FBXO15: variants seen among roughly 807,000 people sequenced by gnomAD.
FBXO15 encodes F-box only protein 15.
In FBXO15, 30 loss-of-function variants were observed where a neutral mutation model predicts 49.5. The ratio of observed to expected loss-of-function variants is 0.61; its 90% CI spans 0.45 to 0.82. The LOEUF is 0.82. Ranked by LOEUF, FBXO15 falls within the 40% of genes least tolerant of loss-of-function variation. The pLI, the probability that FBXO15 is intolerant of heterozygous loss-of-function variation, is 0.00. For synonymous variants in FBXO15, 250 were observed against 232.7 expected (o/e 1.07, Z -0.68); for missense variants, 591 against 631.5 (o/e 0.94, Z 0.69).
chr18:74,130,768 G>T, intron 3 of FBXO15, 110 bp from the exon 4 acceptor site: 1 of 1,211,158 alleles, frequency 8.3e-7, no homozygotes, highest in Non-Finnish European at 1.1e-6. Flanking sequence ...CCATGAATAA[G>T]CCAAGCTGAA....
rs182315796 is a variant in FBXO15, at chr18:74,130,437, A to C, written c.554T>G (p.Val185Gly). Reference protein sequence around the residue: ...KPVNPYTGLPVKTKEALRIFG... With the variant: ...KPVNPYTGLPGKTKEALRIFG... The stretch of plus-strand genomic sequence containing the variant: ...GTACCTGAGGGCCTCTTTGGTCTTA[A>C]CTGGAAGGCCTGTGTAAGGGTTGAC... Residue 185 changes from valine to glycine, a missense_variant, in exon 4 of 10, where the codon GTT (valine) becomes GGT (glycine). Coordinates refer to ENST00000419743, the MANE Select transcript of FBXO15 (RefSeq NM_001142958.2). The C allele has an allele frequency of 6.2e-7, 1 of 1,614,196 alleles. No individual in the cohort carries two copies. Among genetic ancestry groups the C allele is most frequent in the Non-Finnish European group, 8.5e-7 (1 of 1,180,026 alleles).
intron 8 of FBXO15, among the ~76,000 whole-genome samples, chr18:74,119,826 A>G (rs1914395544): frequency 6.6e-6 from 1 of 152,174 alleles, no homozygotes; most frequent in African/African-American, 2.4e-5. Context: ...GGGGACACAC[A>G]GGGCTCTGTA....
intron 8 of FBXO15, among the ~76,000 whole-genome samples, chr18:74,105,607 T>TG (rs929512530): frequency 7.9e-6 from 1 of 126,054 alleles, no homozygotes. Flanking sequence ...ACCCAGCTTA[T>TG]GGTTTTTTTT....
chr18:74,121,305 A>T (rs1214172413), intron 8 of FBXO15, among the ~76,000 whole-genome samples: 1 of 152,232 alleles, frequency 6.6e-6, no homozygotes. Flanking sequence ...TCATTCTATG[A>T]GACCAAAACC....
intron 1 of FBXO15, among the ~76,000 whole-genome samples, chr18:74,143,109 A>C (rs926249890): frequency 6.6e-6 from 1 of 152,164 alleles, no homozygotes; most frequent in Non-Finnish European, 1.5e-5. Flanking sequence ...CTAGAATCGG[A>C]GTCCACACAT....
At chr18:74,126,335 C>G (rs892534874) in intron 5 of FBXO15, among the ~76,000 whole-genome samples, 1 of 152,220 alleles carries the variant, frequency 6.6e-6, no homozygotes, top group Admixed American at 6.5e-5. Context: ...TTACTGTCAA[C>G]TCAATGACCC....
chr18:74,109,873 A>C (rs56392144), intron 8 of FBXO15, among the ~76,000 whole-genome samples: 13,271 of 152,020 alleles, frequency 0.087, 814 homozygotes, highest in Admixed American at 0.2. Context: ...AGAAATACCT[A>C]ATGTAGATGA....
intron 1 of FBXO15, 152 bp downstream of exon 1, chr18:74,147,518 T>A (rs768856383): frequency 4.1e-5 from 51 of 1,256,328 alleles, no homozygotes; most frequent in Non-Finnish European, 4.8e-5. Flanking sequence ...TAGAAAGGAT[T>A]TCCTCCGGTC....
intron 8 of FBXO15, among the ~76,000 whole-genome samples, chr18:74,111,637 G>C (rs535868326): frequency 6.6e-6 from 1 of 151,908 alleles, no homozygotes; most frequent in South Asian, 2.1e-4. Context: ...CTAGAAAAAT[G>C]TGAGCAAATT....
At chr18:74,146,956 C>G (rs1410178384) in intron 1 of FBXO15, 2 of 152,152 alleles carry the variant, frequency 1.3e-5, no homozygotes, top group Non-Finnish European at 2.9e-5. Context: ...ATTATCCCTC[C>G]ATCTGTAAAC....
intron 2 of FBXO15, among the ~76,000 whole-genome samples, chr18:74,139,956 G>A (rs9949460): frequency 0.18 from 27,301 of 152,044 alleles, 2,792 homozygotes; most frequent in East Asian, 0.27. Flanking sequence ...TTTGAAGAAC[G>A]TTTTAATAAA....
At chr18:74,082,096 G>C in intron 8 of FBXO15, 45 bp from the exon 9 acceptor site, 1 of 1,595,786 alleles carries the variant, frequency 6.3e-7, no homozygotes, top group Non-Finnish European at 8.5e-7. Flanking sequence ...TCCAGTGCAA[G>C]ATGACAAACC....
rs757319963 is a variant in FBXO15 at position 74,129,543 on chromosome 18, T to A, written c.647A>T (p.Asp216Val). Reference sequence around the variant, plus strand: ...AACTGATGTGTCATTTATGGAAAGATCAACATGCTCCATGATATATTCTTT... The same window carrying A: ...AACTGATGTGTCATTTATGGAAAGAACAACATGCTCCATGATATATTCTTT... ...GGKEYIMEHV[D>V]LSINDTSVTV... The change falls in exon 5 of 10, where the codon GAT becomes GTT. Residue 216 changes from aspartate (D) to valine (V), a missense_variant. Physicochemically the swap from Asp to Val is radical, Grantham distance 152 (BLOSUM62 -3). Coordinates refer to ENST00000419743, the MANE Select transcript of FBXO15 (RefSeq NM_001142958.2). The A allele has an allele frequency of 6.2e-7, 1 of 1,613,488 alleles. No individual in the cohort carries two copies. Among genetic ancestry groups the A allele is most frequent in the Admixed American group, 1.7e-5 (1 of 59,992 alleles).
Position 74,082,031 on chromosome 18 carries a change from C to T in FBXO15, c.1159G>A (p.Val387Met). The T allele has an allele frequency of 1.2e-6, 2 of 1,611,508 alleles. No individual in the cohort carries two copies. Among genetic ancestry groups the T allele is most frequent in the Non-Finnish European group, 1.7e-6 (2 of 1,179,172 alleles). Reference protein sequence around the residue: ...TKRGNIENGHVKLIVIHLKNN... With the variant: ...TKRGNIENGHMKLIVIHLKNN... The stretch of plus-strand genomic sequence containing the variant: ...TTTAAATGTATAACAATGAGCTTCA[C>T]ATGTCCATTTTCAATATTTCCTGAA... The change falls in exon 9 of 10, where the codon GTG becomes ATG. Residue 387 changes from valine (V) to methionine (M), a missense_variant. Val to Met is a conservative substitution (Grantham distance 21, BLOSUM62 1). Transcript: ENST00000419743.
intron 9 of FBXO15, chr18:74,078,424 G>C (rs1178766022): frequency 6.7e-6 from 1 of 149,938 alleles, no homozygotes; most frequent in Non-Finnish European, 1.5e-5. Flanking sequence ...AGGACAGCCA[G>C]CTAGGAAGAG....
intron 8 of FBXO15, among the ~76,000 whole-genome samples, chr18:74,084,816 C>T (rs776824478): frequency 1.1e-4 from 16 of 152,080 alleles, no homozygotes; most frequent in African/African-American, 3.6e-4. Flanking sequence ...GGTCAAGTTC[C>T]GAACTCAGTA....
chr18:74,139,608 A>T (rs1240747013), intron 2 of FBXO15, among the ~76,000 whole-genome samples: 1 of 152,234 alleles, frequency 6.6e-6, no homozygotes, highest in Non-Finnish European at 1.5e-5. Context: ...CAATATGCAG[A>T]CTACGTGGGC....
At chr18:74,108,617 A>G (rs1431461691) in intron 8 of FBXO15, among the ~76,000 whole-genome samples, 1 of 152,158 alleles carries the variant, frequency 6.6e-6, no homozygotes, top group African/African-American at 2.4e-5. Flanking sequence ...AAGAAGAAAG[A>G]GAAGGAAACG....
intron 8 of FBXO15, among the ~76,000 whole-genome samples, chr18:74,121,775 G>C (rs1447191221): frequency 2.6e-5 from 4 of 152,262 alleles, no homozygotes; most frequent in South Asian, 4.1e-4. Context: ...AAGGGTGGGG[G>C]CGAGGAGGAA....
Sources: gnomAD v4.1 joint callset for allele counts (sites outside exome capture counted in the v4.1 genomes callset) on GRCh38, gnomAD v4.1.1 for gene constraint, MANE v1.5 for transcripts, NCBI Gene and HGNC (gene_info 2026-07-23, HGNC 2026-07-21) for gene names.